DBR1: variants seen among roughly 807,000 people sequenced by gnomAD.
DBR1 encodes the protein lariat debranching enzyme.
In DBR1, 33 loss-of-function variants were observed where a neutral mutation model predicts 45.9. The observed-to-expected ratio is 0.72, with a 90% CI of 0.55 to 0.96. The LOEUF is 0.96. Among genes scored for constraint, DBR1 ranks in the 40% least tolerant of loss-of-function variants. The pLI, the probability that DBR1 is intolerant of heterozygous loss-of-function variation, is 0.00. For synonymous variants in DBR1, 235 were observed against 235.9 expected (o/e 1.00, Z 0.04); for missense variants, 619 against 667.4 (o/e 0.93, Z 0.80).
In DBR1 at chr3:138,162,471, G is replaced by C. The variant is rs762590832; in HGVS notation, c.1053C>G (p.Ser351Arg). Residue 351 changes from serine (S) to arginine (R), a missense_variant, in exon 8 of 8, where the codon AGC (serine) becomes AGG (arginine). Physicochemically the swap from Ser to Arg is moderately radical, Grantham distance 110. Transcript: ENST00000260803. Reference sequence around the variant, plus strand: ...TCAGCTGCATTTGTGTCTGTGGCTTGCTAGGATCATAACAAGCAGCTGTTA... The same window carrying C: ...TCAGCTGCATTTGTGTCTGTGGCTTCCTAGGATCATAACAAGCAGCTGTTA... Reference protein sequence around the residue: ...FSVTAACYDPSKPQTQMQLIH... With the variant: ...FSVTAACYDPRKPQTQMQLIH... 1 of 1,606,868 alleles carries C rather than the reference G, an allele frequency of 6.2e-7. No homozygotes were observed. The highest frequency in any genetic ancestry group is 8.5e-7 in the Non-Finnish European group (1 of 1,178,200).
chr3:138,163,629 A>T (rs1183601647), intron 6 of DBR1, 135 bp from the exon 7 acceptor site: 5 of 711,788 alleles, frequency 7.0e-6, no homozygotes, highest in Non-Finnish European at 1.0e-5. Flanking sequence ...CAATCCATTT[A>T]ATTTTAAATT....
Position 138,161,781 on chromosome 3 carries a change from G to A in DBR1, c.*108C>T, listed in dbSNP as rs1042715117. ...GAATTGCTTGAACCTGGGAGGCGGA[G>A]GTTGCGGTGAGCCGAGATCACGCCA... On this transcript the variant is annotated 3_prime_UTR_variant, in exon 8 of 8. Transcript: ENST00000260803. 2.3e-6 allele frequency: 2 copies of A among 866,962 alleles called. No homozygotes were observed. The highest frequency in any genetic ancestry group is 3.7e-6 in the Non-Finnish European group (2 of 540,160). The allele number at this position is 866,962 out of a possible 1,614,324, so 53.7% of individuals were successfully genotyped here.
chr3:138,168,679 G>T (rs2042941251), intron 4 of DBR1, among the ~76,000 whole-genome samples: 1 of 152,092 alleles, frequency 6.6e-6, no homozygotes, highest in African/African-American at 2.4e-5. Flanking sequence ...ATGGCTGGCT[G>T]GGCATGGTGG....
At chr3:138,164,843 C>T (rs542231475) in intron 5 of DBR1, among the ~76,000 whole-genome samples, 185 of 152,264 alleles carry the variant, frequency 1.2e-3, no homozygotes, top group Middle Eastern at 3.4e-3. Context: ...GATGGAGTTT[C>T]GCCATGTTGG....
At chr3:138,165,203 C>G (rs902743100) in intron 5 of DBR1, among the ~76,000 whole-genome samples, 1 of 152,064 alleles carries the variant, frequency 6.6e-6, no homozygotes, top group African/African-American at 2.4e-5. Context: ...CTGCTGAGGA[C>G]CAAGCAACAG....
chr3:138,164,636 T>C (rs2042922210), intron 5 of DBR1, among the ~76,000 whole-genome samples: 1 of 152,164 alleles, frequency 6.6e-6, no homozygotes, highest in South Asian at 2.1e-4. Context: ...ACTTAAAATG[T>C]GGTTTTTTTC....
At chr3:138,163,896 A>G in intron 5 of DBR1, 38 bp from the exon 6 acceptor site, 1 of 1,450,104 alleles carries the variant, frequency 6.9e-7, no homozygotes. Context: ...AAGAATGTTA[A>G]AACAACCACA....
chr3:138,174,900 C>T lies in DBR1; in HGVS notation c.-105G>A. On this transcript the variant is annotated 5_prime_UTR_variant, in exon 1 of 8. It adds an upstream start codon to the 5' untranslated region. Coordinates refer to ENST00000260803, the MANE Select transcript of DBR1 (RefSeq NM_016216.4). Reference sequence around the variant, plus strand: ...CCGCCAACTTTAATAAGTATAGCCACCGCCTGGGTGTAGACTCCTGCAAAA... The same window carrying T: ...CCGCCAACTTTAATAAGTATAGCCATCGCCTGGGTGTAGACTCCTGCAAAA... 9.0e-7 allele frequency: 1 copy of T among 1,106,098 alleles called. No individual in the cohort carries two copies. Among genetic ancestry groups the T allele is most frequent in the Non-Finnish European group, 1.3e-6 (1 of 777,384 alleles). 68.5% of individuals were successfully genotyped at this position (1,106,098 alleles called of 1,614,324 possible). A position where few individuals can be genotyped will look rare whatever the true frequency, so the allele number is the denominator to read the frequency against.
intron 5 of DBR1, 64 bp downstream of exon 5, chr3:138,167,017 G>T: frequency 7.0e-7 from 1 of 1,421,408 alleles, no homozygotes; most frequent in African/African-American, 1.4e-5. Context: ...CTTTACAACT[G>T]TGTCTGGTCC....
chr3:138,169,277 G>A (rs1288763556), intron 4 of DBR1, among the ~76,000 whole-genome samples: 1 of 152,148 alleles, frequency 6.6e-6, no homozygotes, highest in East Asian at 1.9e-4. Flanking sequence ...CATAGGGTTT[G>A]AGTGGAGATT....
rs1559881994 is a variant in DBR1, at chr3:138,162,359, C to T, written c.1165G>A (p.Glu389Lys). ...TCATATTCACCACACACATGATGTTCTTCCTTGGACTTCTGAAGCCTAACA... is the reference window on the plus strand; with the variant it reads ...TCATATTCACCACACACATGATGTTTTTCCTTGGACTTCTGAAGCCTAACA... The part of the protein sequence containing the change: ...INVRLQKSKE[E>K]HHVCGEYEEQ... The change falls in exon 8 of 8, where the codon GAA becomes AAA. Residue 389 changes from glutamate (E) to lysine (K), a missense_variant. By Grantham distance (56) the Glu-to-Lys change is moderately conservative. Around this residue, in one of 3 missense-constraint regions of DBR1, gnomAD observed 182 missense variants for 196.1 expected, o/e 0.93. Coordinates refer to ENST00000260803, the MANE Select transcript of DBR1 (RefSeq NM_016216.4). The T allele has an allele frequency of 6.2e-7, 1 of 1,614,166 alleles. No individual in the cohort carries two copies. The highest frequency in any genetic ancestry group is 8.5e-7 in the Non-Finnish European group (1 of 1,180,026).
chr3:138,168,781 ACT>A (rs1332564784), intron 4 of DBR1, among the ~76,000 whole-genome samples: 1 of 151,852 alleles, frequency 6.6e-6, no homozygotes, highest in African/African-American at 2.4e-5. Flanking sequence ...ACATGGCGAA[ACT>A]CTGTCTCTAA....
intron 4 of DBR1, among the ~76,000 whole-genome samples, chr3:138,169,197 C>T (rs1330352310): frequency 6.6e-6 from 1 of 152,180 alleles, no homozygotes; most frequent in African/African-American, 2.4e-5. Context: ...AAGTCCTGGG[C>T]AGGTTACTTA....
In DBR1 at chr3:138,161,865, CA is replaced by C; in HGVS notation, c.*23del. ...CCATCTCAAAAAAACAAAACAAACA[CA>C]AAAACAAAACAAGTAAATCATCTTA... is the stretch of plus-strand genomic sequence containing the variant. On this transcript the variant is annotated 3_prime_UTR_variant, in exon 8 of 8. Transcript: ENST00000260803. The C allele has an allele frequency of 6.3e-7, 1 of 1,588,378 alleles. No homozygotes were observed. Among genetic ancestry groups the C allele is most frequent in the South Asian group, 1.1e-5 (1 of 89,754 alleles).
intron 1 of DBR1, 29 bp downstream of exon 1, chr3:138,174,569 CG>C: frequency 6.4e-7 from 1 of 1,564,832 alleles, no homozygotes; most frequent in Non-Finnish European, 8.7e-7. Context: ...ACCCCCCCAC[CG>C]CCAAGTCCGG....
At chr3:138,171,595 C>T in intron 3 of DBR1, 38 bp downstream of exon 3, 1 of 1,411,076 alleles carries the variant, frequency 7.1e-7, no homozygotes, top group South Asian at 1.2e-5. Context: ...CTGGGGCATG[C>T]AAGTTCTAAA....
chr3:138,167,127 A>C lies in DBR1; in HGVS notation c.668T>G (p.Phe223Cys). The C allele has an allele frequency of 1.2e-6, 2 of 1,614,176 alleles. No homozygotes were observed. The highest frequency in any genetic ancestry group is 1.7e-6 in the Non-Finnish European group (2 of 1,180,030). ...AAACTTCACATGAAGGTGGGCAGAA[A>C]ACCAATAAGTAGGTTTGAGATGCTC... Reference protein sequence around the residue: ...LLEHLKPTYWFSAHLHVKFAA... With the variant: ...LLEHLKPTYWCSAHLHVKFAA... The change falls in exon 5 of 8, where the codon TTT becomes TGT. Residue 223 changes from phenylalanine to cysteine, a missense_variant. This residue lies in a region of DBR1 where 430 missense variants were observed against 447.7 expected (regional missense o/e 0.96). Coordinates refer to ENST00000260803, the MANE Select transcript of DBR1 (RefSeq NM_016216.4).
In DBR1 at chr3:138,170,179, G is replaced by T; in HGVS notation, c.417C>A (p.Cys139Ter). Residue 139 changes from cysteine to a stop codon, truncating the protein, a stop_gained, in exon 4 of 8, where the codon TGC (cysteine) becomes TGA (stop). Transcript: ENST00000260803. LOFTEE classifies it high-confidence loss of function. ...SHDYRKGHFE[C>*]PPYNSSTIRS... ...TGATTGTAGATGAATTATAAGGGGG[G>T]CACTCAAAATGACCTTAGATTGAAG... 1 of 1,588,766 alleles carries T rather than the reference G, an allele frequency of 6.3e-7. No homozygotes were observed. Among genetic ancestry groups the T allele is most frequent in the Non-Finnish European group, 8.6e-7 (1 of 1,165,496 alleles).
Position 138,162,588 on chromosome 3 carries a change from A to C in DBR1, c.942-6T>G. 3 of 1,600,322 alleles carry C rather than the reference A, an allele frequency of 1.9e-6. No individual in the cohort carries two copies. The highest frequency in any genetic ancestry group is 2.6e-6 in the Non-Finnish European group (3 of 1,169,166). ...CTGTTGCACTATAATCCCACCTATA[A>C]AAGTACAAAACAATAGCTTTTTACA... On this transcript the variant is annotated splice_polypyrimidine_tract_variant and splice_region_variant and intron_variant, in intron 7 of 7. Coordinates refer to ENST00000260803, the MANE Select transcript of DBR1 (RefSeq NM_016216.4).
Sources: gnomAD v4.1 joint callset for allele counts (sites outside exome capture counted in the v4.1 genomes callset) on GRCh38, gnomAD v4.1.1 for gene constraint, gnomAD v4.1.1 regional missense constraint, MANE v1.5 for transcripts, NCBI Gene and HGNC (gene_info 2026-07-23, HGNC 2026-07-21) for gene names.